Variants in CFAP70 observed in about 807,000 individuals in gnomAD.
The protein encoded by CFAP70 is cilia- and flagella-associated protein 70.
Under a neutral mutation model 137.6 loss-of-function variants are expected in CFAP70, and 81 were observed. That is an observed-to-expected ratio of 0.59 (90% CI 0.49 to 0.71). The LOEUF is 0.71. Among genes scored for constraint, CFAP70 ranks in the 30% least tolerant of loss-of-function variants. The pLI, the probability that CFAP70 is intolerant of heterozygous loss-of-function variation, is 0.00. For missense variants in CFAP70, 976 were observed against 1,226.7 expected, an observed-to-expected ratio of 0.80 and a Z score of 3.05; for synonymous variants, 382 against 423.6, an observed-to-expected ratio of 0.90 and a Z score of 1.20.
At position 73,291,764 on chromosome 10, in the gene CFAP70, A is replaced by G; in HGVS notation, c.1905-9T>C. The G allele has an allele frequency of 6.2e-7, 1 of 1,614,134 alleles. No individual in the cohort carries two copies. Among genetic ancestry groups the G allele is most frequent in the Non-Finnish European group, 8.5e-7 (1 of 1,179,970 alleles). The stretch of plus-strand genomic sequence containing the variant: ...CACCACACAGCAACAAGCTGAGAAA[A>G]GATCACCAACATGATTAACAACACG... On this transcript the variant is annotated splice_polypyrimidine_tract_variant and intron_variant, in intron 17 of 26. Transcript: ENST00000310715.
At chr10:73,271,132 C>T (rs2046278401) in intron 24 of CFAP70, among the ~76,000 whole-genome samples, 1 of 152,178 alleles carries the variant, frequency 6.6e-6, no homozygotes, top group African/African-American at 2.4e-5. Context: ...TGTACACCAG[C>T]CTGGGTGACA....
At chr10:73,290,086 G>A (rs540997134) in intron 19 of CFAP70, among the ~76,000 whole-genome samples, 25 of 150,896 alleles carry the variant, frequency 1.7e-4, no homozygotes, top group African/African-American at 5.4e-4. Context: ...GTCCATAGTA[G>A]TTTTATTTTA....
chr10:73,291,802 A>C (rs763007181), intron 17 of CFAP70, 47 bp from the exon 19 acceptor site: 1 of 1,612,634 alleles, frequency 6.2e-7, no homozygotes, highest in African/African-American at 1.3e-5. Flanking sequence ...CCCATGTCAC[A>C]TTTATGGAAC....
At chr10:73,280,130 C>G (rs1017584822) in intron 19 of CFAP70, among the ~76,000 whole-genome samples, 5 of 152,060 alleles carry the variant, frequency 3.3e-5, no homozygotes, top group Admixed American at 3.3e-4. Flanking sequence ...TTAAATATAT[C>G]TTTTCTATAT....
intron 8 of CFAP70, 36 bp from the exon 10 acceptor site, chr10:73,323,133 A>C (rs1022391894): frequency 6.4e-7 from 1 of 1,568,876 alleles, no homozygotes; most frequent in Non-Finnish European, 8.6e-7. Context: ...TTAGTGCTAT[A>C]AGCAATGTAA....
rs371775878 is a variant in CFAP70, at chr10:73,275,486, G to A, written c.2633C>T (p.Ala878Val). 3.5e-5 allele frequency: 56 copies of A among 1,611,138 alleles called. No homozygotes were observed. Among genetic ancestry groups the A allele is most frequent in the Non-Finnish European group, 1.7e-6 (2 of 1,179,090 alleles). Residue 878 changes from alanine to valine, a missense_variant, in exon 22 of 27, where the codon GCA becomes GTA. By Grantham distance (64) the Ala-to-Val change is moderately conservative. Coordinates refer to ENST00000310715, the Ensembl canonical transcript of CFAP70. This position sits in a 1 kb window ranked among gnomAD's most constrained non-coding sequence, Gnocchi z 4.0. ...GGCTGCTTGTTGAAGGTATTCCTCTGCCTTGGCAAAGTTCTTCTTAAGAAT... is the reference window on the plus strand; with the variant it reads ...GGCTGCTTGTTGAAGGTATTCCTCTACCTTGGCAAAGTTCTTCTTAAGAAT...
chr10:73,307,076 A>G (rs1370470763), intron 12 of CFAP70, among the ~76,000 whole-genome samples: 1 of 152,212 alleles, frequency 6.6e-6, no homozygotes, highest in Non-Finnish European at 1.5e-5. Context: ...ATAACAATGT[A>G]ACGGGAGGGA....
chr10:73,339,975 T>A (rs2053094730), intron 6 of CFAP70, among the ~76,000 whole-genome samples: 1 of 152,186 alleles, frequency 6.6e-6, no homozygotes, highest in East Asian at 1.9e-4. Context: ...ATTCCGCAGG[T>A]CCTGAGTTCT....
chr10:73,254,096 G>T, intron 26 of CFAP70, 41 bp from the exon 28 acceptor site: 3 of 1,509,264 alleles, frequency 2.0e-6, no homozygotes, highest in Non-Finnish European at 2.7e-6. Flanking sequence ...TATGTCATAC[G>T]TGATATACTT....
intron 7 of CFAP70, 119 bp from the exon 9 acceptor site, chr10:73,331,395 G>C (rs897167805): frequency 2.4e-6 from 2 of 847,834 alleles, no homozygotes; most frequent in Non-Finnish European, 3.5e-6. Flanking sequence ...ATAAAAATTG[G>C]GGGGCTCGGC....
At chr10:73,288,949 G>A (rs376086168) in intron 19 of CFAP70, among the ~76,000 whole-genome samples, 3 of 152,328 alleles carry the variant, frequency 2.0e-5, no homozygotes, top group African/African-American at 7.2e-5. Context: ...AAAGCAACCA[G>A]CTGCATTCTT....
At chr10:73,306,187 C>G (rs1016066731) in intron 12 of CFAP70, among the ~76,000 whole-genome samples, 1 of 151,932 alleles carries the variant, frequency 6.6e-6, no homozygotes, top group Non-Finnish European at 1.5e-5. Flanking sequence ...AATTTAAGAC[C>G]TATAGGATGC....
intron 12 of CFAP70, among the ~76,000 whole-genome samples, chr10:73,304,845 C>T (rs192650293): frequency 5.5e-5 from 8 of 146,634 alleles, no homozygotes; most frequent in Non-Finnish European, 1.0e-4. Flanking sequence ...TCCAGATAAA[C>T]TTAAAAAAAA....
chr10:73,346,285 C>A (rs759947761), intron 4 of CFAP70, among the ~76,000 whole-genome samples: 1 of 151,922 alleles, frequency 6.6e-6, no homozygotes, highest in East Asian at 1.9e-4. Flanking sequence ...TAGGTATAGA[C>A]ATATATGTGT....
At chr10:73,322,358 T>C (rs2050939574) in intron 9 of CFAP70, among the ~76,000 whole-genome samples, 1 of 152,146 alleles carries the variant, frequency 6.6e-6, no homozygotes, top group Admixed American at 6.5e-5. Context: ...TTTCCCAGAA[T>C]TGCATATAAA....
chr10:73,350,941 A>G (rs534364206), intron 3 of CFAP70, among the ~76,000 whole-genome samples: 23 of 145,508 alleles, frequency 1.6e-4, no homozygotes, highest in African/African-American at 3.3e-4. Context: ...GTGTGTATAT[A>G]TGTGTGTGTG....
At position 73,351,025 on chromosome 10, in the gene CFAP70, A is replaced by ATG. The variant is rs1222877239; in HGVS notation, c.251-2506_251-2505dup. 3.2e-4 allele frequency among the ~76,000 whole-genome samples: 44 copies of ATG among 136,644 alleles called. 1 individual carries two copies. Among genetic ancestry groups the ATG allele is most frequent in the African/African-American group, 1.1e-3 (40 of 36,208 alleles). 89.6% of individuals were successfully genotyped at this position (136,644 alleles called of 152,430 possible). On this transcript the variant is annotated intron_variant, in intron 3 of 26. Coordinates refer to ENST00000310715, the Ensembl canonical transcript of CFAP70. Reference sequence around the variant, plus strand: ...TATGTGTGTATGTGTGTGTATATATATGTGTATATGTGTGTATATATGTGT... The same window carrying ATG: ...TATGTGTGTATGTGTGTGTATATATATGTGTGTATATGTGTGTATATATGTGT...
At chr10:73,255,873 T>C (rs148706293) in intron 26 of CFAP70, among the ~76,000 whole-genome samples, 198 of 152,190 alleles carry the variant, frequency 1.3e-3, no homozygotes, top group Middle Eastern at 3.4e-3. Flanking sequence ...AGTAAAATTG[T>C]ATTGGAACAC....
intron 3 of CFAP70, among the ~76,000 whole-genome samples, chr10:73,352,035 T>C (rs2054318165): frequency 6.6e-6 from 1 of 152,236 alleles, no homozygotes; most frequent in Non-Finnish European, 1.5e-5. Flanking sequence ...TTTCCACTGA[T>C]ACCACAGTGG....
Sources: gnomAD v4.1 joint callset for allele counts (sites outside exome capture counted in the v4.1 genomes callset) on GRCh38, gnomAD v4.1.1 for gene constraint, Gnocchi (gnomAD v3.1) non-coding constraint, MANE v1.5 for transcripts, NCBI Gene and HGNC (gene_info 2026-07-23, HGNC 2026-07-21) for gene names.